The following NAV1 variants were observed in gnomAD, a reference collection of about 807,000 sequenced individuals.
The protein encoded by NAV1 is pore membrane and/or filament interacting like protein 3.
A neutral mutation model predicts 175.2 loss-of-function variants in NAV1; 18 were observed. The observed-to-expected ratio is 0.10, with a 90% CI of 0.07 to 0.15. The LOEUF is 0.15. Ranked by LOEUF, NAV1 falls within the 10% of genes least tolerant of loss-of-function variation. The pLI is 1.00. For missense variants in NAV1, 1,731 were observed against 2,436.6 expected (o/e 0.71, Z 6.10); for synonymous variants, 897 against 978.7 (o/e 0.92, Z 1.56).
At chr1:201,764,691 A>G (rs1242535140) in intron 3 of NAV1, among the ~76,000 whole-genome samples, 1 of 152,236 alleles carries the variant, frequency 6.6e-6, no homozygotes, top group Admixed American at 6.5e-5. Context: ...CAAGAAAGCA[A>G]TGCCTAAAGC....
intron 3 of NAV1, among the ~76,000 whole-genome samples, chr1:201,728,951 G>A (rs1429303655): frequency 6.6e-6 from 1 of 152,216 alleles, no homozygotes; most frequent in African/African-American, 2.4e-5. Context: ...CCTTCCTCTA[G>A]TGTGTCCTAG....
intron 28 of NAV1, among the ~76,000 whole-genome samples, chr1:201,815,581 G>C (rs777233159): frequency 2.6e-5 from 4 of 152,266 alleles, no homozygotes; most frequent in African/African-American, 4.8e-5. Flanking sequence ...GCTGGGCAGG[G>C]GGGTAGGTGA....
At position 201,687,088 on chromosome 1, in the gene NAV1, T is replaced by C. The variant is rs567895017; in HGVS notation, c.758-25729T>C. ...GAAGTCTTTATAAGCATACGGTATT[T>C]AGGAAGGTCTCCTTTGCCAATATAT... On this transcript the variant is annotated intron_variant, in intron 1 of 29. Coordinates refer to ENST00000367296, the Ensembl canonical transcript of NAV1. Among the ~76,000 whole-genome samples, 4 of 152,358 alleles carry C rather than the reference T, an allele frequency of 2.6e-5. No individual in the cohort carries two copies. The South Asian group carries it at 8.3e-4, about 32-fold the overall frequency.
intron 3 of NAV1, among the ~76,000 whole-genome samples, chr1:201,742,098 A>C (rs1412676287): frequency 6.6e-6 from 1 of 152,202 alleles, no homozygotes; most frequent in Non-Finnish European, 1.5e-5. Context: ...TGTAAAGTGG[A>C]GGTCATTCCT....
rs1410076480 is a variant in NAV1, at chr1:201,771,505, A to G, written c.1227-8916A>G. On this transcript the variant is annotated intron_variant, in intron 3 of 29. Transcript: ENST00000367296. ...CAAGAGCAAGACTTCGTCTAGAAAA[A>G]AAAAAAAAAAAAAAAAACTGGTGAA... Among the ~76,000 whole-genome samples the G allele has an allele frequency of 3.3e-5, 5 of 151,386 alleles. 1 individual carries two copies. The East Asian group carries it at 9.7e-4, about 29-fold the overall frequency.
chr1:201,811,497 C>A, intron 24 of NAV1, 106 bp from the exon 29 acceptor site: 1 of 1,370,052 alleles, frequency 7.3e-7, no homozygotes, highest in Non-Finnish European at 1.0e-6. Flanking sequence ...GAACTAAAGG[C>A]CCCAGGGGAA....
exon 1 of NAV1, chr1:201,648,673 T>C: frequency 7.1e-7 from 1 of 1,408,952 alleles, no homozygotes. Context: ...GGCAGAATGC[T>C]GGGCAGCAGC....
chr1:201,758,485 A>G (rs1674646977), intron 3 of NAV1, among the ~76,000 whole-genome samples: 1 of 152,218 alleles, frequency 6.6e-6, no homozygotes, highest in African/African-American at 2.4e-5. Flanking sequence ...TCTTTCAAGC[A>G]AATTGTGTTT....
At chr1:201,809,182 G>C in exon 21 of NAV1, 1 of 1,613,938 alleles carries the variant, frequency 6.2e-7, no homozygotes, top group Non-Finnish European at 8.5e-7. Flanking sequence ...CCCATGGATG[G>C]CATCAGTACT....
At chr1:201,675,536 C>T (rs1670214426) in intron 1 of NAV1, among the ~76,000 whole-genome samples, 1 of 152,194 alleles carries the variant, frequency 6.6e-6, no homozygotes, top group Non-Finnish European at 1.5e-5. Context: ...CTATTACTTA[C>T]CATTAACTTA....
At position 201,812,386 on chromosome 1, in the gene NAV1, G is replaced by C; in HGVS notation, c.5025-79G>C. ...CATTAGTGAGAAGCAGGCAGAAGGA[G>C]GGACAGACTGGCAGGGGCTGAACCC... On this transcript the variant is annotated intron_variant, in intron 26 of 29. Coordinates refer to ENST00000367296, the Ensembl canonical transcript of NAV1. The surrounding 1 kb of genome is among the most constrained non-coding windows in gnomAD (Gnocchi z 4.6). The C allele has an allele frequency of 7.1e-7, 1 of 1,404,230 alleles. No individual in the cohort carries two copies. Among genetic ancestry groups the C allele is most frequent in the Non-Finnish European group, 9.9e-7 (1 of 1,005,262 alleles). The allele number at this position is 1,404,230 out of a possible 1,614,324, so 87.0% of individuals were successfully genotyped here.
chr1:201,801,361 CTT>C (rs981813969), intron 15 of NAV1, among the ~76,000 whole-genome samples: 23 of 152,210 alleles, frequency 1.5e-4, no homozygotes, highest in African/African-American at 5.3e-4. Flanking sequence ...CCCACATCTC[CTT>C]CATCTAACAG....
intron 1 of NAV1, among the ~76,000 whole-genome samples, chr1:201,565,581 C>A (rs1666332001): frequency 6.6e-6 from 1 of 152,254 alleles, no homozygotes; most frequent in African/African-American, 2.4e-5. Flanking sequence ...CTTTGGAGGG[C>A]AGAGAGGTTC....
intron 1 of NAV1, among the ~76,000 whole-genome samples, chr1:201,553,727 G>T (rs1331486398): frequency 6.6e-6 from 1 of 152,104 alleles, no homozygotes; most frequent in Admixed American, 6.5e-5. Flanking sequence ...GATTAGTTTT[G>T]CCTGCTCTTG....
intron 1 of NAV1, among the ~76,000 whole-genome samples, chr1:201,700,919 G>A (rs1396504402): frequency 7.4e-6 from 1 of 135,338 alleles, no homozygotes; most frequent in Non-Finnish European, 1.5e-5. Flanking sequence ...GCTGAGGCAG[G>A]AGAATGATGT....
chr1:201,648,341 C>T, exon 1 of NAV1: 1 of 1,175,874 alleles, frequency 8.5e-7, no homozygotes, highest in South Asian at 4.4e-5. Flanking sequence ...GGGCTTCCAT[C>T]CTTCCTTTGA....
rs1006998461 is a variant in NAV1, at chr1:201,539,247, C to T, written c.-239C>T. On this transcript the variant is annotated 5_prime_UTR_variant, in exon 1 of 34. Coordinates refer to the NAV1 transcript ENST00000685211. The surrounding 1 kb of genome is among the most constrained non-coding windows in gnomAD (Gnocchi z 5.6). The stretch of plus-strand genomic sequence containing the variant: ...GGGGAGCCCCGGGAAACTTTGTGCT[C>T]GCGAGAAGCGGACCCCGCACCCGCG... Among the ~76,000 whole-genome samples the T allele has an allele frequency of 2.0e-5, 3 of 152,118 alleles. No homozygotes were observed. The highest frequency in any genetic ancestry group is 4.4e-5 in the Non-Finnish European group (3 of 68,008).
chr1:201,800,324 T>A (rs771696488), intron 15 of NAV1, among the ~76,000 whole-genome samples: 10 of 152,240 alleles, frequency 6.6e-5, no homozygotes, highest in Non-Finnish European at 1.3e-4. Context: ...TTTAATTAAC[T>A]AGTTTCAATT....
intron 1 of NAV1, among the ~76,000 whole-genome samples, chr1:201,567,258 C>T (rs1174719378): frequency 2.0e-5 from 3 of 152,240 alleles, no homozygotes; most frequent in African/African-American, 4.8e-5. Flanking sequence ...TCATGGGGAA[C>T]AGGCTTCTGT....
Sources: allele counts gnomAD v4.1 joint callset (sites outside exome capture counted in the v4.1 genomes callset), GRCh38; gene constraint gnomAD v4.1.1; non-coding constraint Gnocchi (gnomAD v3.1); transcripts MANE v1.5; gene names NCBI Gene and HGNC (gene_info 2026-07-23, HGNC 2026-07-21).